The following LYZL1 variants were observed in gnomAD, a reference collection of about 807,000 sequenced individuals.
The protein encoded by LYZL1 is lysozyme like 1.
Under a neutral mutation model 17.9 loss-of-function variants are expected in LYZL1, and 16 were observed. That is an observed-to-expected ratio of 0.90 (90% CI 0.61 to 1.36). The LOEUF (loss-of-function observed/expected upper bound fraction) is 1.36, where lower values mean the gene tolerates loss of function less well. Ranked by LOEUF, LYZL1 falls within the 40% of genes most tolerant of loss-of-function variation. LYZL1 has a pLI of 0.00. For missense variants in LYZL1, 149 were observed against 188.4 expected (o/e 0.79, Z 1.22); for synonymous variants, 58 against 71.8 (o/e 0.81, Z 0.97).
At position 29,309,341 on chromosome 10, in the gene LYZL1, AC is replaced by A. The variant is rs1205787363; in HGVS notation, c.299-768del. On this transcript the variant is annotated intron_variant, in intron 3 of 4. Coordinates refer to ENST00000649382, the MANE Select transcript of LYZL1 (RefSeq NM_032517.6). ...GAGATTCTGTCTCACAAAAACAAAA[AC>A]AAAAACAAAAACAAAACAAAACAAA... 2.6e-5 allele frequency among the ~76,000 whole-genome samples: 4 copies of A among 152,024 alleles called. No homozygotes were observed. The East Asian group carries it at 5.8e-4, about 22-fold the overall frequency.
intron 3 of LYZL1, among the ~76,000 whole-genome samples, chr10:29,299,585 C>T (rs1835489883): frequency 6.6e-6 from 1 of 152,094 alleles, no homozygotes; most frequent in Non-Finnish European, 1.5e-5. Flanking sequence ...CAGTCTTGTC[C>T]ATTTTTGAAG....
chr10:29,307,381 T>G (rs1418081968), intron 3 of LYZL1, among the ~76,000 whole-genome samples: 2 of 152,226 alleles, frequency 1.3e-5, no homozygotes, highest in Admixed American at 1.3e-4. Context: ...TTCTGGGTCT[T>G]CCTTCCTTCA....
intron 1 of LYZL1, 108 bp from the exon 2 acceptor site, chr10:29,291,735 G>C (rs1237855280): frequency 1.5e-6 from 2 of 1,331,612 alleles, no homozygotes; most frequent in Non-Finnish European, 2.1e-6. Flanking sequence ...GGCACTGAAT[G>C]ACCAAAGTGA....
At chr10:29,298,726 A>G (rs1011573466) in intron 3 of LYZL1, among the ~76,000 whole-genome samples, 1 of 152,158 alleles carries the variant, frequency 6.6e-6, no homozygotes, top group Non-Finnish European at 1.5e-5. Context: ...TGATCCCAGG[A>G]TGAGCTTTTA....
At chr10:29,313,629 T>C (rs1485251505), downstream of LYZL1, among the ~76,000 whole-genome samples, 1 of 152,240 alleles carries the variant, frequency 6.6e-6, no homozygotes, top group East Asian at 1.9e-4. Context: ...GATTTATTTC[T>C]ATAAAGAATA....
downstream of LYZL1, among the ~76,000 whole-genome samples, chr10:29,315,900 A>G (rs1007451881): frequency 2.0e-5 from 3 of 152,048 alleles, no homozygotes; most frequent in Admixed American, 2.0e-4. Context: ...CATAGGCCAA[A>G]TAGCCCCACT....
chr10:29,310,054 G>C, intron 3 of LYZL1, 56 bp from the exon 4 acceptor site: 2 of 1,257,174 alleles, frequency 1.6e-6, no homozygotes, highest in Non-Finnish European at 2.3e-6. Context: ...GTTGAGTTGA[G>C]GTCCCTCTCC....
At chr10:29,302,350 T>C (rs535692623) in intron 3 of LYZL1, among the ~76,000 whole-genome samples, 1 of 152,320 alleles carries the variant, frequency 6.6e-6, no homozygotes, top group East Asian at 1.9e-4. Context: ...AGGTGCAGAA[T>C]GGACAGTACA....
At chr10:29,311,767 C>T (rs1835675673), downstream of LYZL1, among the ~76,000 whole-genome samples, 1 of 151,824 alleles carries the variant, frequency 6.6e-6, no homozygotes, top group Non-Finnish European at 1.5e-5. Context: ...CACTTGAAGT[C>T]AGAAGTTTGT....
chr10:29,290,441 C>T (rs71492582), intron 1 of LYZL1, among the ~76,000 whole-genome samples: 145,649 of 152,220 alleles, frequency 0.96, 69,743 homozygotes, highest in East Asian at 0.98. Context: ...AGGCTTTGTC[C>T]TCCATCCCTC....
chr10:29,304,860 A>G (rs1165773256), intron 3 of LYZL1, among the ~76,000 whole-genome samples: 1 of 152,174 alleles, frequency 6.6e-6, no homozygotes, highest in Non-Finnish European at 1.5e-5. Flanking sequence ...CCAACTTTCA[A>G]AACATCCCAA....
chr10:29,301,459 G>A (rs1443482929), intron 3 of LYZL1, among the ~76,000 whole-genome samples: 2 of 152,272 alleles, frequency 1.3e-5, no homozygotes, highest in Middle Eastern at 3.4e-3. Flanking sequence ...CCAAAGTGCT[G>A]GGGTTACAGC....
chr10:29,305,168 C>G (rs1469849986), intron 3 of LYZL1, among the ~76,000 whole-genome samples: 2 of 152,174 alleles, frequency 1.3e-5, no homozygotes, highest in African/African-American at 4.8e-5. Context: ...AGACTACTTC[C>G]AAACACAAAC....
chr10:29,308,376 G>C (rs1337234834), intron 3 of LYZL1, among the ~76,000 whole-genome samples: 4 of 152,182 alleles, frequency 2.6e-5, no homozygotes, highest in Non-Finnish European at 5.9e-5. Flanking sequence ...TGAATTGCTG[G>C]GTCTGCGTCA....
chr10:29,296,479 C>T (rs996233066), intron 3 of LYZL1, among the ~76,000 whole-genome samples: 1 of 152,162 alleles, frequency 6.6e-6, no homozygotes, highest in Non-Finnish European at 1.5e-5. Flanking sequence ...CATCCAGTCC[C>T]TTCCTGAGGC....
chr10:29,291,371 G>A (rs1039716791), intron 1 of LYZL1, among the ~76,000 whole-genome samples: 2 of 151,852 alleles, frequency 1.3e-5, no homozygotes, highest in Non-Finnish European at 2.9e-5. Context: ...GCAGGCTGAG[G>A]TGGAGGAGGA....
At chr10:29,315,772 C>CTCTTCCAGGTT (rs1668886380), downstream of LYZL1, among the ~76,000 whole-genome samples, 1 of 151,592 alleles carries the variant, frequency 6.6e-6, no homozygotes, top group African/African-American at 2.4e-5. Context: ...TCACTTGAGC[C>CTCTTCCAGGTT]TTGAAGGTCA....
intron 1 of LYZL1, among the ~76,000 whole-genome samples, 187 bp downstream of exon 1, chr10:29,289,417 C>CTTTTTTT (rs11347424): frequency 7.8e-6 from 1 of 128,734 alleles, no homozygotes; most frequent in African/African-American, 3.1e-5. Flanking sequence ...TTTTTCTTTT[C>CTTTTTTT]TTTTTTTTTT....
chr10:29,311,834 C>T (rs1361103768), downstream of LYZL1, among the ~76,000 whole-genome samples: 5 of 151,834 alleles, frequency 3.3e-5, no homozygotes, highest in East Asian at 1.9e-4. Context: ...AAAAATTAGC[C>T]GGGCGTGGTG....
Sources: gnomAD v4.1 joint callset for allele counts (sites outside exome capture counted in the v4.1 genomes callset) on GRCh38, gnomAD v4.1.1 for gene constraint, MANE v1.5 for transcripts, NCBI Gene and HGNC (gene_info 2026-07-23, HGNC 2026-07-21) for gene names.